Variants in MBOAT2 observed in about 807,000 individuals in gnomAD.
MBOAT2 encodes membrane bound glycerophospholipid O-acyltransferase 2.
In MBOAT2, 28 loss-of-function variants were observed where a neutral mutation model predicts 63.4. That is an observed-to-expected ratio of 0.44 (90% CI 0.33 to 0.61). The LOEUF is 0.61. Ranked by LOEUF, MBOAT2 falls within the 20% of genes least tolerant of loss-of-function variation. MBOAT2 has a pLI of 0.03. For missense variants in MBOAT2, 470 were observed against 605.8 expected (o/e 0.78, Z 2.35); for synonymous variants, 211 against 215.6 (o/e 0.98, Z 0.19).
chr2:8,928,507 C>A (rs916582119), intron 3 of MBOAT2, among the ~76,000 whole-genome samples: 2 of 152,060 alleles, frequency 1.3e-5, no homozygotes, highest in Non-Finnish European at 2.9e-5. Flanking sequence ...TCTCGGGACC[C>A]TTTTTACCCT....
rs887081107 is a variant in MBOAT2, at chr2:8,893,955, A to AT, written c.396-5883dup. ...CTTCTCAGCCTCAGGAAAACACTGC[A>AT]TTTTTTTTTTTAATACTCTAAGTTC... On this transcript the variant is annotated intron_variant, in intron 4 of 12. Coordinates refer to ENST00000305997, the MANE Select transcript of MBOAT2 (RefSeq NM_138799.4). Among the ~76,000 whole-genome samples, 300 of 148,216 alleles carry AT rather than the reference A, an allele frequency of 2.0e-3. 1 individual carries two copies. Among genetic ancestry groups the AT allele is most frequent in the African/African-American group, 5.9e-3 (240 of 40,490 alleles).
intron 4 of MBOAT2, among the ~76,000 whole-genome samples, chr2:8,904,566 C>T (rs1665197390): frequency 6.6e-6 from 1 of 152,172 alleles, no homozygotes; most frequent in Non-Finnish European, 1.5e-5. Flanking sequence ...CCACCTTGGC[C>T]TCCCAAAGTG....
At chr2:8,892,960 G>A (rs543115152) in intron 4 of MBOAT2, among the ~76,000 whole-genome samples, 27 of 151,876 alleles carry the variant, frequency 1.8e-4, no homozygotes, top group African/African-American at 5.6e-4. Flanking sequence ...TGAGTGACAC[G>A]GGAAACTACT....
At chr2:8,969,874 T>A (rs1209562740) in intron 1 of MBOAT2, among the ~76,000 whole-genome samples, 1 of 152,102 alleles carries the variant, frequency 6.6e-6, no homozygotes. Flanking sequence ...ATAAAGCAAG[T>A]CCTTAGAGAC....
chr2:8,918,568 A>C (rs1666352354), intron 3 of MBOAT2, among the ~76,000 whole-genome samples: 1 of 152,236 alleles, frequency 6.6e-6, no homozygotes, highest in South Asian at 2.1e-4. Context: ...AAAAGAAAAA[A>C]GGCAGTATCT....
chr2:8,940,449 G>A lies in MBOAT2; in HGVS notation c.299+2738C>T, dbSNP rs147233884. Among the ~76,000 whole-genome samples, 943 of 152,104 alleles carry A rather than the reference G, an allele frequency of 6.2e-3. 12 individuals are homozygous for A. Among genetic ancestry groups the A allele is most frequent in the African/African-American group, 0.021 (885 of 41,510 alleles). On this transcript the variant is annotated intron_variant, in intron 3 of 12. Coordinates refer to ENST00000305997, the MANE Select transcript of MBOAT2 (RefSeq NM_138799.4). Reference sequence around the variant, plus strand: ...TGGGATTACAGGCATGCACCACCACGCCTGGCTAATTTTTTGTATTTTTAG... The same window carrying A: ...TGGGATTACAGGCATGCACCACCACACCTGGCTAATTTTTTGTATTTTTAG...
chr2:8,948,946 C>A (rs566817036), intron 2 of MBOAT2, among the ~76,000 whole-genome samples: 47 of 152,298 alleles, frequency 3.1e-4, no homozygotes, highest in Admixed American at 1.6e-3. Flanking sequence ...AACTAACTTA[C>A]TTTCCCAACG....
intron 5 of MBOAT2, among the ~76,000 whole-genome samples, chr2:8,884,503 G>T (rs1197781171): frequency 7.1e-6 from 1 of 140,764 alleles, no homozygotes; most frequent in Non-Finnish European, 1.5e-5. Flanking sequence ...AAAAAAAAGA[G>T]CCATCTTTAG....
chr2:8,861,824 A>C (rs909570027), intron 11 of MBOAT2, among the ~76,000 whole-genome samples: 9 of 152,154 alleles, frequency 5.9e-5, no homozygotes, highest in Admixed American at 4.6e-4. Context: ...GTATGTACAC[A>C]CATATACACC....
intron 3 of MBOAT2, among the ~76,000 whole-genome samples, chr2:8,920,877 T>C (rs1666516848): frequency 6.6e-6 from 1 of 152,218 alleles, no homozygotes; most frequent in Non-Finnish European, 1.5e-5. Context: ...AACTGCAACC[T>C]TGCCAGCCTC....
At chr2:8,974,456 A>T (rs1382069356) in intron 1 of MBOAT2, 2 of 456,312 alleles carry the variant, frequency 4.4e-6, no homozygotes, top group African/African-American at 4.0e-5. Flanking sequence ...TAAATAAGAA[A>T]GCAGAACAGA....
intron 3 of MBOAT2, among the ~76,000 whole-genome samples, chr2:8,928,908 C>A (rs1667119785): frequency 6.6e-6 from 1 of 152,142 alleles, no homozygotes; most frequent in African/African-American, 2.4e-5. Flanking sequence ...CTAAAAAGAT[C>A]TCAGGGACTC....
chr2:8,990,824 T>C (rs182082839), intron 1 of MBOAT2, among the ~76,000 whole-genome samples: 37 of 152,304 alleles, frequency 2.4e-4, no homozygotes, highest in African/African-American at 8.4e-4. Context: ...TTAAAAGTAT[T>C]TTCCAAGAAC....
chr2:8,994,517 C>G (rs1419478856), intron 1 of MBOAT2, among the ~76,000 whole-genome samples: 1 of 152,156 alleles, frequency 6.6e-6, no homozygotes, highest in East Asian at 1.9e-4. Context: ...TAGTCCAGAG[C>G]AAAGGAGAGA....
intron 2 of MBOAT2, among the ~76,000 whole-genome samples, chr2:8,953,568 A>T (rs189196510): frequency 1.2e-4 from 19 of 152,350 alleles, no homozygotes; most frequent in Admixed American, 7.8e-4. Context: ...TCTCTCAGGA[A>T]TGCTAATAAT....
At chr2:8,993,064 A>C (rs1480426257) in intron 1 of MBOAT2, among the ~76,000 whole-genome samples, 3 of 152,190 alleles carry the variant, frequency 2.0e-5, no homozygotes, top group Non-Finnish European at 4.4e-5. Context: ...GTTCTCTATC[A>C]ATAAAGACAA....
chr2:8,939,497 A>T (rs550294701), intron 3 of MBOAT2, among the ~76,000 whole-genome samples: 9 of 152,338 alleles, frequency 5.9e-5, no homozygotes, highest in Non-Finnish European at 1.0e-4. Context: ...GGGAGGTTCT[A>T]GGACAAGGAG....
At chr2:8,899,609 G>A (rs1398587348) in intron 4 of MBOAT2, among the ~76,000 whole-genome samples, 4 of 152,184 alleles carry the variant, frequency 2.6e-5, no homozygotes, top group Non-Finnish European at 5.9e-5. Context: ...TTGTCTTATG[G>A]AGCAGTGCAC....
chr2:8,909,214 A>C (rs889051401), intron 3 of MBOAT2, among the ~76,000 whole-genome samples: 1 of 152,222 alleles, frequency 6.6e-6, no homozygotes, highest in African/African-American at 2.4e-5. Context: ...TAAACTTAAG[A>C]TGCTTGGAAT....
Sources: gnomAD v4.1 joint callset for allele counts (sites outside exome capture counted in the v4.1 genomes callset) on GRCh38, gnomAD v4.1.1 for gene constraint, MANE v1.5 for transcripts, NCBI Gene and HGNC (gene_info 2026-07-23, HGNC 2026-07-21) for gene names.